MYT1L: variants seen among roughly 807,000 people sequenced by gnomAD.
MYT1L encodes myelin transcription factor 1-like protein.
MYT1L carries 12 observed loss-of-function variants against 126.7 expected under a neutral mutation model. The observed-to-expected ratio is 0.09, with a 90% confidence interval of 0.06 to 0.15. The LOEUF (loss-of-function observed/expected upper bound fraction) is 0.15. Ranked by LOEUF, MYT1L falls within the 10% of genes least tolerant of loss-of-function variation. The pLI, the probability that MYT1L is intolerant of heterozygous loss-of-function variation, is 1.00. For missense variants in MYT1L, 979 were observed against 1,585.2 expected, an observed-to-expected ratio of 0.62 and a Z score of 6.49; for synonymous variants, 541 against 604.2, an observed-to-expected ratio of 0.90 and a Z score of 1.53.
At chr2:2,196,217 T>G (rs2148783456) in intron 2 of MYT1L, among the ~76,000 whole-genome samples, 1 of 152,010 alleles carries the variant, frequency 6.6e-6, no homozygotes, top group South Asian at 2.1e-4. Flanking sequence ...GATTCTATAC[T>G]AAAAATGCTT....
chr2:2,208,102 T>C (rs1179798598), intron 2 of MYT1L, among the ~76,000 whole-genome samples: 1 of 152,036 alleles, frequency 6.6e-6, no homozygotes, highest in African/African-American at 2.4e-5. Context: ...AGGGTGTAGA[T>C]ACTGGAAGTA....
chr2:2,086,068 A>T (rs1042995488), intron 3 of MYT1L, among the ~76,000 whole-genome samples: 2 of 152,234 alleles, frequency 1.3e-5, no homozygotes, highest in African/African-American at 4.8e-5. Flanking sequence ...ATGAAGGACT[A>T]CATCACTGTG....
At chr2:2,108,891 T>C (rs374790874) in intron 3 of MYT1L, among the ~76,000 whole-genome samples, 39 of 152,380 alleles carry the variant, frequency 2.6e-4, no homozygotes, top group African/African-American at 7.5e-4. Context: ...TACAAGTCAC[T>C]GCAGCTGAGC....
intron 18 of MYT1L, among the ~76,000 whole-genome samples, chr2:1,870,961 G>A (rs1426582379): frequency 6.6e-6 from 1 of 152,124 alleles, no homozygotes; most frequent in Admixed American, 6.5e-5. Flanking sequence ...TGCTTTACCC[G>A]CCCTGCCCTA....
At chr2:1,846,084 C>G (rs1396533571) in intron 19 of MYT1L, among the ~76,000 whole-genome samples, 3 of 152,234 alleles carry the variant, frequency 2.0e-5, no homozygotes, top group African/African-American at 4.8e-5. Context: ...AGGTCAGATT[C>G]CCACCCTAGT....
intron 14 of MYT1L, among the ~76,000 whole-genome samples, chr2:1,900,237 C>T (rs2050150346): frequency 1.3e-5 from 2 of 152,258 alleles, no homozygotes; most frequent in South Asian, 4.1e-4. Context: ...GGCCAGATCT[C>T]CTTGGATTAC....
At chr2:1,836,420 C>A (rs2040891091) in intron 21 of MYT1L, among the ~76,000 whole-genome samples, 1 of 151,760 alleles carries the variant, frequency 6.6e-6, no homozygotes, top group South Asian at 2.1e-4. Context: ...CAACCTGCCC[C>A]CAAGATTCCA....
chr2:1,985,254 AG>A (rs1412883312), intron 5 of MYT1L, among the ~76,000 whole-genome samples: 1 of 152,218 alleles, frequency 6.6e-6, no homozygotes, highest in East Asian at 1.9e-4. Flanking sequence ...AAGAGGAGAT[AG>A]GAGGGAGGGC....
intron 18 of MYT1L, among the ~76,000 whole-genome samples, chr2:1,880,824 C>T (rs1336796304): frequency 1.3e-5 from 2 of 152,198 alleles, no homozygotes; most frequent in East Asian, 1.9e-4. Flanking sequence ...GGCCTCTGAT[C>T]CTGCCACCTC....
At chr2:2,206,769 G>A (rs2093337115) in intron 2 of MYT1L, among the ~76,000 whole-genome samples, 1 of 152,156 alleles carries the variant, frequency 6.6e-6, no homozygotes, top group African/African-American at 2.4e-5. Flanking sequence ...TTCTGTAGTT[G>A]CCCATTTGCC....
chr2:2,234,626 A>G (rs898360985), intron 2 of MYT1L, among the ~76,000 whole-genome samples: 1 of 152,190 alleles, frequency 6.6e-6, no homozygotes, highest in Non-Finnish European at 1.5e-5. Context: ...CAGAGGGCCT[A>G]CTTCACCTAA....
intron 1 of MYT1L, among the ~76,000 whole-genome samples, chr2:2,295,605 C>T (rs866454661): frequency 4.1e-4 from 4 of 9,692 alleles, no homozygotes; most frequent in Admixed American, 1.2e-3. Flanking sequence ...GAGAGAGAGA[C>T]AGACAGAGAG....
chr2:2,154,915 T>C (rs1271132829), intron 3 of MYT1L, among the ~76,000 whole-genome samples: 2 of 151,978 alleles, frequency 1.3e-5, no homozygotes, highest in Non-Finnish European at 2.9e-5. Context: ...TCACCTGAGG[T>C]TGGGAGTTCA....
intron 2 of MYT1L, among the ~76,000 whole-genome samples, chr2:2,230,493 G>A (rs553626777): frequency 6.6e-6 from 1 of 152,282 alleles, no homozygotes; most frequent in Admixed American, 6.5e-5. Context: ...ATTCTTGTTC[G>A]GTGACTATTA....
chr2:1,804,452 G>A (rs1437147413), intron 22 of MYT1L, among the ~76,000 whole-genome samples: 1 of 152,182 alleles, frequency 6.6e-6, no homozygotes, highest in Non-Finnish European at 1.5e-5. Context: ...CATTCCACCA[G>A]TTGGCCTGCA....
intron 2 of MYT1L, among the ~76,000 whole-genome samples, chr2:2,273,771 G>A (rs565849118): frequency 2.8e-4 from 42 of 152,242 alleles, no homozygotes; most frequent in African/African-American, 9.9e-4. Flanking sequence ...GTTATAAGAA[G>A]GAAAAACACC....
chr2:2,047,163 T>C (rs1558844515), intron 4 of MYT1L, among the ~76,000 whole-genome samples: 1 of 152,258 alleles, frequency 6.6e-6, no homozygotes, highest in Non-Finnish European at 1.5e-5. Flanking sequence ...CTACATTGTC[T>C]TGAACGTTCT....
At chr2:1,968,265 C>T (rs568741183) in intron 8 of MYT1L, among the ~76,000 whole-genome samples, 176 of 136,372 alleles carry the variant, frequency 1.3e-3, no homozygotes, top group Non-Finnish European at 2.1e-3. Flanking sequence ...TCCGCATGCC[C>T]GCTTCCCTTC....
chr2:2,085,950 C>T (rs1436723231), intron 3 of MYT1L, among the ~76,000 whole-genome samples: 1 of 152,166 alleles, frequency 6.6e-6, no homozygotes, highest in African/African-American at 2.4e-5. Flanking sequence ...GTGGGCTTGA[C>T]CCAGGGAGAA....
Sources: gnomAD v4.1 joint callset for allele counts (sites outside exome capture counted in the v4.1 genomes callset) on GRCh38, gnomAD v4.1.1 for gene constraint, MANE v1.5 for transcripts, NCBI Gene and HGNC (gene_info 2026-07-23, HGNC 2026-07-21) for gene names.